TAFA2: variants seen among roughly 807,000 people sequenced by gnomAD.
TAFA2 encodes TAFA chemokine like family member 2.
Under a neutral mutation model 18.8 loss-of-function variants are expected in TAFA2, and 7 were observed. That is an observed-to-expected ratio of 0.37 (90% CI 0.21 to 0.70). The LOEUF (loss-of-function observed/expected upper bound fraction) is 0.70. Among genes scored for constraint, TAFA2 ranks in the 30% least tolerant of loss-of-function variants. The pLI is 0.53. For synonymous variants in TAFA2, 60 were observed against 54.2 expected (o/e 1.11, Z -0.47); for missense variants, 122 against 158.1 (o/e 0.77, Z 1.23).
intron 2 of TAFA2, among the ~76,000 whole-genome samples, chr12:61,764,192 TA>T (rs781741739): frequency 3.3e-5 from 5 of 150,870 alleles, no homozygotes; most frequent in Non-Finnish European, 7.4e-5. Context: ...ACAATTACAA[TA>T]AAGGAGAAAT....
intron 2 of TAFA2, among the ~76,000 whole-genome samples, chr12:61,761,819 T>G (rs531741792): frequency 6.6e-6 from 1 of 152,162 alleles, no homozygotes; most frequent in African/African-American, 2.4e-5. Flanking sequence ...TATATCTGTG[T>G]CCCCACTCAA....
intron 1 of TAFA2, among the ~76,000 whole-genome samples, chr12:62,156,243 C>T (rs61920575): frequency 0.1 from 15,350 of 152,154 alleles, 905 homozygotes; most frequent in Admixed American, 0.17. Flanking sequence ...AATCACAATG[C>T]GATACCACCT....
At chr12:61,773,376 C>CA (rs1465640623) in intron 2 of TAFA2, among the ~76,000 whole-genome samples, 2 of 151,618 alleles carry the variant, frequency 1.3e-5, no homozygotes, top group African/African-American at 4.8e-5. Context: ...CATGTAGAAC[C>CA]AAAAAAGGGC....
Position 62,176,247 on chromosome 12 carries a change from A to G in TAFA2, c.-2+15012T>C, listed in dbSNP as rs990996875. On this transcript the variant is annotated intron_variant, in intron 1 of 4. Transcript: ENST00000416284. ...GAAAGGGATTGTCTGAATTCTTCCC[A>G]TATAACTAATGTTTTCATAAGGCTT... is the stretch of plus-strand genomic sequence containing the variant. Among the ~76,000 whole-genome samples, 4 of 152,348 alleles carry G rather than the reference A, an allele frequency of 2.6e-5. 1 individual carries two copies. The highest frequency in any genetic ancestry group is 4.1e-4 in the South Asian group (2 of 4,832).
intron 2 of TAFA2, among the ~76,000 whole-genome samples, chr12:61,795,864 G>C (rs1871168291): frequency 6.6e-6 from 1 of 151,830 alleles, no homozygotes; most frequent in Non-Finnish European, 1.5e-5. Flanking sequence ...TAGATAAATA[G>C]ATAAGTGGAA....
intron 1 of TAFA2, among the ~76,000 whole-genome samples, chr12:62,028,314 AC>A (rs1015397395): frequency 1.4e-4 from 22 of 152,102 alleles, no homozygotes; most frequent in African/African-American, 5.1e-4. Context: ...AACCAGCTAG[AC>A]CCGTGACAGA....
At chr12:61,934,598 C>T (rs1877690086) in intron 1 of TAFA2, among the ~76,000 whole-genome samples, 1 of 152,168 alleles carries the variant, frequency 6.6e-6, no homozygotes, top group Non-Finnish European at 1.5e-5. Flanking sequence ...TATTGTTTGC[C>T]TGGGAAAACC....
chr12:62,224,940 A>G (rs2062779526), intron 1 of TAFA2, among the ~76,000 whole-genome samples: 2 of 152,152 alleles, frequency 1.3e-5, no homozygotes, highest in Non-Finnish European at 2.9e-5. Context: ...GAAAAAGAAG[A>G]GCATTAAAAA....
intron 2 of TAFA2, among the ~76,000 whole-genome samples, chr12:61,756,540 G>T (rs1214244257): frequency 6.6e-6 from 1 of 152,032 alleles, no homozygotes; most frequent in East Asian, 1.9e-4. Flanking sequence ...CCACACATCA[G>T]CCATGGTCTT....
chr12:61,718,029 T>C (rs1357911002), intron 4 of TAFA2, among the ~76,000 whole-genome samples: 1 of 152,196 alleles, frequency 6.6e-6, no homozygotes, highest in Non-Finnish European at 1.5e-5. Flanking sequence ...TTCAGTGGTA[T>C]AACCACTTTG....
At chr12:61,763,261 G>T (rs1281603521) in intron 2 of TAFA2, among the ~76,000 whole-genome samples, 1 of 151,894 alleles carries the variant, frequency 6.6e-6, no homozygotes, top group African/African-American at 2.4e-5. Context: ...ATGGAAAAAA[G>T]AAAATGAAAT....
At chr12:61,948,556 T>C (rs754606802) in intron 1 of TAFA2, among the ~76,000 whole-genome samples, 7 of 152,108 alleles carry the variant, frequency 4.6e-5, no homozygotes, top group Admixed American at 3.3e-4. Context: ...AATGATTCCA[T>C]GCATATAGCA....
At chr12:61,888,069 G>T (rs928088848) in intron 1 of TAFA2, among the ~76,000 whole-genome samples, 5 of 151,848 alleles carry the variant, frequency 3.3e-5, no homozygotes, top group African/African-American at 1.2e-4. Flanking sequence ...TCATTAAAAA[G>T]TCAGGAAACA....
intron 1 of TAFA2, among the ~76,000 whole-genome samples, chr12:61,957,201 G>T (rs1426289497): frequency 1.3e-5 from 2 of 152,138 alleles, no homozygotes; most frequent in Non-Finnish European, 1.5e-5. Flanking sequence ...CACAGACACA[G>T]TTACTTCTCC....
chr12:61,982,954 T>G (rs1212229268), intron 1 of TAFA2, among the ~76,000 whole-genome samples: 2 of 151,914 alleles, frequency 1.3e-5, no homozygotes, highest in Admixed American at 6.6e-5. Context: ...GTTCTTTAAT[T>G]CCCTTCTTCA....
At chr12:61,853,256 T>C (rs1047200670) in intron 2 of TAFA2, among the ~76,000 whole-genome samples, 7 of 152,192 alleles carry the variant, frequency 4.6e-5, no homozygotes, top group Non-Finnish European at 8.8e-5. Context: ...GCATCTGCTT[T>C]GTACTTTCAT....
chr12:61,802,168 A>G (rs1466710153), intron 2 of TAFA2, among the ~76,000 whole-genome samples: 1 of 152,100 alleles, frequency 6.6e-6, no homozygotes, highest in Non-Finnish European at 1.5e-5. Context: ...TGGGAATGTA[A>G]AAAGTATAGC....
intron 2 of TAFA2, among the ~76,000 whole-genome samples, chr12:61,830,359 A>C (rs1872672498): frequency 6.6e-6 from 1 of 151,362 alleles, no homozygotes; most frequent in Non-Finnish European, 1.5e-5. Flanking sequence ...ATATATATAC[A>C]TATACATACA....
At chr12:61,784,980 T>A (rs1870667193) in intron 2 of TAFA2, among the ~76,000 whole-genome samples, 1 of 151,590 alleles carries the variant, frequency 6.6e-6, no homozygotes. Flanking sequence ...AATATCCTCC[T>A]TCTAGCTATT....
Sources: allele counts gnomAD v4.1 joint callset (sites outside exome capture counted in the v4.1 genomes callset), GRCh38; gene constraint gnomAD v4.1.1; transcripts MANE v1.5; gene names NCBI Gene and HGNC (gene_info 2026-07-23, HGNC 2026-07-21).